Variants in C8orf34 observed in about 807,000 individuals in gnomAD.
The protein encoded by C8orf34 is uncharacterized protein C8orf34.
A neutral mutation model predicts 68.3 loss-of-function variants in C8orf34; 65 were observed. The observed-to-expected ratio is 0.95, with a 90% CI of 0.78 to 1.17. The LOEUF is 1.17. C8orf34 is among the 50% of genes most tolerant of loss of function. The probability of loss-of-function intolerance (pLI) is 0.00; values close to 1 mark genes in which losing one functional copy is unlikely to be tolerated. For missense variants in C8orf34, 664 were observed against 655.4 expected, an observed-to-expected ratio of 1.01 and a Z score of -0.14; for synonymous variants, 244 against 241.2, an observed-to-expected ratio of 1.01 and a Z score of -0.11.
chr8:68,799,301 C>T (rs960100221), intron 12 of C8orf34, among the ~76,000 whole-genome samples: 1 of 152,208 alleles, frequency 6.6e-6, no homozygotes, highest in African/African-American at 2.4e-5. Flanking sequence ...CTACTTCATT[C>T]TTTAACCTTG....
chr8:68,330,670 C>T (rs1805526277), upstream of C8orf34: 1 of 248,666 alleles, frequency 4.0e-6, no homozygotes, highest in African/African-American at 2.3e-5. Context: ...AGCACCTTCA[C>T]CATTGGCTTT....
At chr8:68,707,108 C>T (rs951244521) in intron 8 of C8orf34, among the ~76,000 whole-genome samples, 2 of 152,140 alleles carry the variant, frequency 1.3e-5, no homozygotes, top group Admixed American at 6.5e-5. Flanking sequence ...CTGTATTTCC[C>T]GGACTTGCCC....
intron 1 of C8orf34, chr8:68,437,884 T>C (rs1810730954): frequency 6.6e-6 from 1 of 152,214 alleles, no homozygotes; most frequent in Non-Finnish European, 1.5e-5. Context: ...ACTTGGGATC[T>C]TGTTATCTGC....
At chr8:68,545,798 C>A (rs991954892) in intron 7 of C8orf34, among the ~76,000 whole-genome samples, 5 of 152,014 alleles carry the variant, frequency 3.3e-5, no homozygotes, top group African/African-American at 1.2e-4. Flanking sequence ...TGAAGATTAG[C>A]TGAAATGGTG....
chr8:68,780,270 G>A (rs116597821), intron 11 of C8orf34, among the ~76,000 whole-genome samples: 103 of 152,162 alleles, frequency 6.8e-4, no homozygotes, highest in African/African-American at 2.4e-3. Flanking sequence ...AGGCATGCTC[G>A]AAAAATGACT....
At chr8:68,616,792 G>A (rs1016070227) in intron 7 of C8orf34, among the ~76,000 whole-genome samples, 20 of 152,142 alleles carry the variant, frequency 1.3e-4, no homozygotes, top group Non-Finnish European at 2.6e-4. Flanking sequence ...GAGTTCTGTA[G>A]ATGTCTATTA....
At chr8:68,477,200 G>T (rs1349356961) in intron 4 of C8orf34, among the ~76,000 whole-genome samples, 1 of 152,190 alleles carries the variant, frequency 6.6e-6, no homozygotes, top group Non-Finnish European at 1.5e-5. Context: ...ATAATAAAGG[G>T]AATGAAGCTA....
At chr8:68,512,562 G>T (rs961724271) in intron 5 of C8orf34, among the ~76,000 whole-genome samples, 1 of 152,022 alleles carries the variant, frequency 6.6e-6, no homozygotes, top group Admixed American at 6.6e-5. Context: ...TTGCCAAAAT[G>T]ATGAATCAGA....
chr8:68,609,017 AT>A (rs1817936523), intron 7 of C8orf34, among the ~76,000 whole-genome samples: 1 of 152,088 alleles, frequency 6.6e-6, no homozygotes, highest in Admixed American at 6.6e-5. Flanking sequence ...AAGTATAAAA[AT>A]AAAACATTAG....
At chr8:68,677,057 G>C (rs765969106) in intron 8 of C8orf34, among the ~76,000 whole-genome samples, 18 of 152,126 alleles carry the variant, frequency 1.2e-4, no homozygotes, top group Non-Finnish European at 2.4e-4. Flanking sequence ...ATGAGATATG[G>C]GTTGGGACAC....
intron 8 of C8orf34, among the ~76,000 whole-genome samples, chr8:68,683,979 T>A (rs1291732032): frequency 6.6e-6 from 1 of 152,176 alleles, no homozygotes; most frequent in African/African-American, 2.4e-5. Context: ...GGCTCATGTT[T>A]TTAAACAGAT....
At chr8:68,614,100 T>C in intron 7 of C8orf34, among the ~76,000 whole-genome samples, 1 of 152,220 alleles carries the variant, frequency 6.6e-6, no homozygotes, top group Non-Finnish European at 1.5e-5. Context: ...TTGAGAAGTG[T>C]CTGTTCATGT....
At chr8:68,479,563 C>T (rs1013036130) in intron 4 of C8orf34, among the ~76,000 whole-genome samples, 1 of 151,898 alleles carries the variant, frequency 6.6e-6, no homozygotes, top group African/African-American at 2.4e-5. Flanking sequence ...GAGTAAATAC[C>T]AGAGATGGAG....
intron 7 of C8orf34, among the ~76,000 whole-genome samples, chr8:68,581,249 T>C (rs2130348041): frequency 6.6e-6 from 1 of 152,218 alleles, no homozygotes; most frequent in East Asian, 1.9e-4. Flanking sequence ...TATAATCTAA[T>C]GGTCATAAAT....
chr8:68,588,668 TTAGA>T (rs369587506), intron 7 of C8orf34, among the ~76,000 whole-genome samples: 277 of 152,282 alleles, frequency 1.8e-3, no homozygotes, highest in African/African-American at 6.5e-3. Flanking sequence ...ATTAGGGTCA[TTAGA>T]TAGGTCTTCA....
intron 8 of C8orf34, among the ~76,000 whole-genome samples, chr8:68,691,431 C>T (rs1032522185): frequency 3.3e-5 from 5 of 152,002 alleles, no homozygotes; most frequent in Non-Finnish European, 7.4e-5. Flanking sequence ...TTGTGACTAC[C>T]TTTATTGTGA....
At chr8:68,343,312 A>C (rs1806149736) in intron 1 of C8orf34, among the ~76,000 whole-genome samples, 1 of 152,230 alleles carries the variant, frequency 6.6e-6, no homozygotes, top group African/African-American at 2.4e-5. Flanking sequence ...AGACCACCAA[A>C]TGATGGTGAG....
At chr8:68,344,572 C>T (rs956772540) in intron 1 of C8orf34, among the ~76,000 whole-genome samples, 1 of 152,064 alleles carries the variant, frequency 6.6e-6, no homozygotes, top group Non-Finnish European at 1.5e-5. Flanking sequence ...CATGGGATTT[C>T]TTTATATTAT....
chr8:68,594,699 G>C (rs769185113), intron 7 of C8orf34, among the ~76,000 whole-genome samples: 5 of 151,872 alleles, frequency 3.3e-5, no homozygotes, highest in African/African-American at 9.7e-5. Flanking sequence ...TATATTTATT[G>C]CTTTTAGACA....
Sources: gnomAD v4.1 joint callset for allele counts (sites outside exome capture counted in the v4.1 genomes callset) on GRCh38, gnomAD v4.1.1 for gene constraint, MANE v1.5 for transcripts, NCBI Gene and HGNC (gene_info 2026-07-23, HGNC 2026-07-21) for gene names.